Variants in SLC7A7 observed in about 807,000 individuals in gnomAD.
SLC7A7 encodes Y+L amino acid transporter 1.
Under a neutral mutation model 47.9 loss-of-function variants are expected in SLC7A7, and 39 were observed. The observed-to-expected ratio is 0.81, with a 90% CI of 0.63 to 1.06. The LOEUF (loss-of-function observed/expected upper bound fraction) is 1.06, where lower values mean the gene tolerates loss of function less well. Among genes scored for constraint, SLC7A7 ranks in the 50% least tolerant of loss-of-function variants. The pLI is 0.00. For missense variants in SLC7A7, 588 were observed against 632.0 expected (o/e 0.93, Z 0.75); for synonymous variants, 234 against 242.8 (o/e 0.96, Z 0.34).
chr14:22,788,575 G>A (rs984847081), intron 2 of SLC7A7, among the ~76,000 whole-genome samples: 1 of 150,056 alleles, frequency 6.7e-6, no homozygotes, highest in Non-Finnish European at 1.5e-5. Context: ...GTGGTGGCGG[G>A]CACCTGTCAT....
chr14:22,809,771 G>A (rs1461304257), intron 2 of SLC7A7, among the ~76,000 whole-genome samples: 2 of 152,120 alleles, frequency 1.3e-5, no homozygotes, highest in Non-Finnish European at 2.9e-5. Context: ...ACAGGCACGT[G>A]AATGTGTACA....
rs2038595316 is a variant in SLC7A7, at chr14:22,775,923, T to C, written c.908A>G (p.Gln303Arg). 6.2e-7 allele frequency: 1 copy of C among 1,613,364 alleles called. No homozygotes were observed. Among genetic ancestry groups the C allele is most frequent in the Admixed American group, 1.7e-5 (1 of 60,002 alleles). Reference protein sequence around the residue: ...SDAVAVTFADQIFGIFNWIIP... With the variant: ...SDAVAVTFADRIFGIFNWIIP... ...TATCCAGTTAAATATTCCAAATATCTGATCTGCAAAAGTCTAAGGGAAAAG... is the reference window on the plus strand; with the variant it reads ...TATCCAGTTAAATATTCCAAATATCCGATCTGCAAAAGTCTAAGGGAAAAG... The change falls in exon 6 of 10, where the codon CAG becomes CGG. Residue 303 changes from glutamine (Q) to arginine (R), a missense_variant. Physicochemically the swap from Gln to Arg is conservative, Grantham distance 43. Transcript: ENST00000674313.
chr14:22,799,457 T>C (rs1306996424), intron 2 of SLC7A7, among the ~76,000 whole-genome samples: 8 of 134,596 alleles, frequency 5.9e-5, no homozygotes, highest in African/African-American at 2.2e-4. Flanking sequence ...TCTTTTTTTT[T>C]TTTTTTTTTT....
chr14:22,775,112 G>C (rs2038573902), intron 7 of SLC7A7, among the ~76,000 whole-genome samples: 1 of 136,920 alleles, frequency 7.3e-6, no homozygotes, highest in Non-Finnish European at 1.7e-5. Context: ...CACACTTCTA[G>C]ATGTAATTCT....
chr14:22,805,977 C>T (rs2039195725), intron 2 of SLC7A7, among the ~76,000 whole-genome samples: 1 of 151,326 alleles, frequency 6.6e-6, no homozygotes, highest in African/African-American at 2.4e-5. Flanking sequence ...CTCGTCTCTA[C>T]TAAAAATACA....
chr14:22,799,164 A>C (rs1321653381), intron 2 of SLC7A7, among the ~76,000 whole-genome samples: 1 of 152,148 alleles, frequency 6.6e-6, no homozygotes, highest in African/African-American at 2.4e-5. Context: ...CATATCAATA[A>C]ATCCAATCAA....
chr14:22,802,121 G>A lies in SLC7A7; in HGVS notation c.499+10779C>T, dbSNP rs114064277. On this transcript the variant is annotated intron_variant, in intron 2 of 9. Transcript: ENST00000674313. ...ATTCAAAGACTATTTATTGAGGGCC[G>A]GGCACGGTAGGTGGCTCACGCCTGC... Among the ~76,000 whole-genome samples, 940 of 152,222 alleles carry A rather than the reference G, an allele frequency of 6.2e-3. 9 individuals are homozygous for A. Among genetic ancestry groups the A allele is most frequent in the African/African-American group, 0.021 (892 of 41,518 alleles).
rs114891202 is a variant in SLC7A7, at chr14:22,811,998, T to C, written c.499+902A>G. Among the ~76,000 whole-genome samples, 1,136 of 152,236 alleles carry C rather than the reference T, an allele frequency of 7.5e-3. 11 individuals carry two copies. Among genetic ancestry groups the C allele is most frequent in the African/African-American group, 0.026 (1,081 of 41,534 alleles). On this transcript the variant is annotated intron_variant, in intron 2 of 9. Transcript: ENST00000674313. Reference sequence around the variant, plus strand: ...AGGACCAGCTAGATAAATAAACTACTATGCATCCTTAAAATTCACATGAAA... The same window carrying C: ...AGGACCAGCTAGATAAATAAACTACCATGCATCCTTAAAATTCACATGAAA...
Position 22,812,891 on chromosome 14 carries a change from C to G in SLC7A7, c.499+9G>C, listed in dbSNP as rs893853391. ...TCCACCCACCACCTCCTACCCCAGCCCCACTTACAAATGCAGGCAGCAGCC... is the reference window on the plus strand; with the variant it reads ...TCCACCCACCACCTCCTACCCCAGCGCCACTTACAAATGCAGGCAGCAGCC... On this transcript the variant is annotated intron_variant, in intron 2 of 9. Transcript: ENST00000674313. The G allele has an allele frequency of 6.2e-7, 1 of 1,612,566 alleles. No homozygotes were observed. Among genetic ancestry groups the G allele is most frequent in the Non-Finnish European group, 8.5e-7 (1 of 1,179,882 alleles).
At chr14:22,816,087 G>A (rs764063875), upstream of SLC7A7, 9 of 173,202 alleles carry the variant, frequency 5.2e-5, no homozygotes, top group Non-Finnish European at 1.0e-4. Flanking sequence ...ATCCCCACCA[G>A]ACCCACGTGC....
intron 6 of SLC7A7, 92 bp from the exon 7 acceptor site, chr14:22,775,632 C>G: frequency 9.0e-7 from 1 of 1,113,590 alleles, no homozygotes; most frequent in Non-Finnish European, 1.4e-6. Flanking sequence ...TCTGCCATCC[C>G]TTCCTTCAAA....
chr14:22,788,049 G>A (rs912987502), intron 2 of SLC7A7, among the ~76,000 whole-genome samples: 2 of 152,026 alleles, frequency 1.3e-5, no homozygotes, highest in East Asian at 3.9e-4. Flanking sequence ...CTCCAGCCTG[G>A]GTGACAGAGC....
intron 2 of SLC7A7, among the ~76,000 whole-genome samples, chr14:22,808,469 T>C (rs1369756894): frequency 6.6e-6 from 1 of 152,236 alleles, no homozygotes; most frequent in Admixed American, 6.5e-5. Flanking sequence ...AATCAGAATG[T>C]CTTCATAGGT....
In SLC7A7 at chr14:22,775,429, C is replaced by G; in HGVS notation, c.1095+15G>C. 3 of 1,607,788 alleles carry G rather than the reference C, an allele frequency of 1.9e-6. No individual in the cohort carries two copies. The highest frequency in any genetic ancestry group is 2.6e-6 in the Non-Finnish European group (3 of 1,174,326). On this transcript the variant is annotated intron_variant, in intron 7 of 9. Coordinates refer to ENST00000674313, the MANE Select transcript of SLC7A7 (RefSeq NM_003982.4). ...CCGCAATCTGGCTTTCAGTCTCATC[C>G]TTGAGTTCACTTACATTGAAGAGCA...
At chr14:22,799,199 G>T (rs984298497) in intron 2 of SLC7A7, among the ~76,000 whole-genome samples, 6 of 152,166 alleles carry the variant, frequency 3.9e-5, no homozygotes, top group South Asian at 2.1e-4. Context: ...TACCTAGCTT[G>T]ACCTCTTAGC....
Position 22,813,442 on chromosome 14 carries a change from T to C in SLC7A7, c.-42-2A>G. 1 of 1,602,154 alleles carries C rather than the reference T, an allele frequency of 6.2e-7. No homozygotes were observed. The highest frequency in any genetic ancestry group is 8.5e-7 in the Non-Finnish European group (1 of 1,179,660). On this transcript the variant is annotated splice_acceptor_variant, in intron 1 of 9. Coordinates refer to ENST00000674313, the MANE Select transcript of SLC7A7 (RefSeq NM_003982.4). LOFTEE classifies it low-confidence loss of function (5UTR_SPLICE). ...CTTCACCAGCTTCCTGGCATTGCCC[T>C]TTAAGGAAGAAAGATGATGCTATAG...
chr14:22,797,932 T>C (rs1185385177), intron 2 of SLC7A7, among the ~76,000 whole-genome samples: 1 of 152,156 alleles, frequency 6.6e-6, no homozygotes, highest in East Asian at 1.9e-4. Flanking sequence ...ATGATTTGAA[T>C]AGAAAAAGAT....
At chr14:22,779,896 A>C in intron 3 of SLC7A7, 30 bp downstream of exon 3, 1 of 1,611,322 alleles carries the variant, frequency 6.2e-7, no homozygotes, top group Non-Finnish European at 8.5e-7. Context: ...TGCTTAAAAA[A>C]GATTAGTTGC....
intron 3 of SLC7A7, 74 bp downstream of exon 3, chr14:22,779,852 A>G: frequency 7.4e-7 from 1 of 1,354,080 alleles, no homozygotes; most frequent in South Asian, 1.2e-5. Context: ...GATAATGCAC[A>G]AAGAGCACTT....
Sources: gnomAD v4.1 joint callset for allele counts (sites outside exome capture counted in the v4.1 genomes callset) on GRCh38, gnomAD v4.1.1 for gene constraint, MANE v1.5 for transcripts, NCBI Gene and HGNC (gene_info 2026-07-23, HGNC 2026-07-21) for gene names.